The following VPS13D variants were observed in gnomAD, a reference collection of about 807,000 sequenced individuals.
VPS13D encodes intermembrane lipid transfer protein VPS13D.
A neutral mutation model predicts 461.9 loss-of-function variants in VPS13D; 187 were observed. That is an observed-to-expected ratio of 0.40 (90% confidence interval 0.36 to 0.46). The LOEUF (loss-of-function observed/expected upper bound fraction) is 0.46, where lower values mean the gene tolerates loss of function less well. VPS13D is among the 20% of genes least tolerant of loss of function. VPS13D has a pLI of 0.60. For synonymous variants in VPS13D, 1,951 were observed against 1,986.3 expected, an observed-to-expected ratio of 0.98 and a Z score of 0.47; for missense variants, 4,711 against 5,364.9, an observed-to-expected ratio of 0.88 and a Z score of 3.81.
At position 12,379,541 on chromosome 1, in the gene VPS13D, C is replaced by T. The variant is rs183447447; in HGVS notation, c.11135C>T (p.Thr3712Met). ...GACCGCAGGCGAAGCACAACTCAGA[C>T]GTGGAGTTTCCGAGAAGGAAAACTG... The part of the protein sequence containing the change: ...KPDRRRSTTQ[T>M]WSFREGKLTC... The change falls in exon 57 of 70, where the codon ACG becomes ATG. Residue 3712 changes from threonine (T) to methionine (M), a missense_variant. Physicochemically the swap from Thr to Met is moderately conservative, Grantham distance 81. Around this residue, in one of 3 missense-constraint regions of VPS13D, gnomAD observed 4,411 missense variants for 4,937.8 expected, o/e 0.89. Transcript: ENST00000620676. 7.4e-6 allele frequency: 12 copies of T among 1,613,490 alleles called. No homozygotes were observed. Among genetic ancestry groups the T allele is most frequent in the Admixed American group, 3.3e-5 (2 of 59,966 alleles).
At chr1:12,410,584 G>A (rs1414156342) in intron 63 of VPS13D, among the ~76,000 whole-genome samples, 3 of 152,108 alleles carry the variant, frequency 2.0e-5, no homozygotes, top group Non-Finnish European at 2.9e-5. Context: ...CTGGATGTTG[G>A]TATTTTTAGA....
intron 9 of VPS13D, 46 bp from the exon 10 acceptor site, chr1:12,257,889 T>C: frequency 1.2e-6 from 2 of 1,607,292 alleles, no homozygotes; most frequent in Non-Finnish European, 1.7e-6. Context: ...AGCCTTTTCG[T>C]TGCTTTTGTT....
chr1:12,419,377 G>A (rs991028913), intron 65 of VPS13D, among the ~76,000 whole-genome samples: 2 of 152,170 alleles, frequency 1.3e-5, no homozygotes, highest in Non-Finnish European at 2.9e-5. Flanking sequence ...GGCATAGATT[G>A]TGTATTAGTC....
At chr1:12,315,863 C>G (rs1470548905) in intron 30 of VPS13D, among the ~76,000 whole-genome samples, 1 of 152,006 alleles carries the variant, frequency 6.6e-6, no homozygotes, top group Non-Finnish European at 1.5e-5. Context: ...GTCGCCTAGG[C>G]TGGAGTGCAG....
rs192363806 is a variant in VPS13D, at chr1:12,362,330, A to T, written c.10142-390A>T. ...TAAAAGTGGCAGGTTCTCTAGAAGG[A>T]AATTTTGTGTCCCAGGTGTAAGCCA... On this transcript the variant is annotated intron_variant, in intron 50 of 69. Transcript: ENST00000620676. 1.8e-3 allele frequency among the ~76,000 whole-genome samples: 267 copies of T among 152,350 alleles called. 4 individuals carry two copies. Among genetic ancestry groups the T allele is most frequent in the African/African-American group, 5.7e-3 (238 of 41,580 alleles).
chr1:12,389,844 C>A (rs1363922688), intron 60 of VPS13D, among the ~76,000 whole-genome samples: 1 of 152,200 alleles, frequency 6.6e-6, no homozygotes, highest in Non-Finnish European at 1.5e-5. Context: ...TTTCCCATTG[C>A]CTTAATCACA....
At chr1:12,454,180 T>G (rs1441909956) in intron 65 of VPS13D, among the ~76,000 whole-genome samples, 1 of 152,104 alleles carries the variant, frequency 6.6e-6, no homozygotes, top group Non-Finnish European at 1.5e-5. Context: ...CAGAGGAGGC[T>G]CAGAGGTAGG....
At chr1:12,343,532 A>ATTATT (rs1379796162) in intron 42 of VPS13D, among the ~76,000 whole-genome samples, 35 of 150,706 alleles carry the variant, frequency 2.3e-4, no homozygotes, top group African/African-American at 3.2e-4. Context: ...GTTTCCTTTT[A>ATTATT]TTATTTTATT....
chr1:12,248,854 C>A (rs891566395), intron 5 of VPS13D, among the ~76,000 whole-genome samples: 2 of 151,756 alleles, frequency 1.3e-5, no homozygotes, highest in African/African-American at 2.4e-5. Context: ...TCTTTAATTG[C>A]TTTTTTTTAA....
At chr1:12,381,922 T>TTTTCTTTTCTTTTCTTTCTTTC (rs71570104) in intron 57 of VPS13D, among the ~76,000 whole-genome samples, 6 of 101,168 alleles carry the variant, frequency 5.9e-5, no homozygotes, top group Non-Finnish European at 1.2e-4. Context: ...CTTTCTTTTC[T>TTTTCTTTTCTTTTCTTTCTTTC]TTTCTTTCTT....
At chr1:12,416,984 C>G (rs1281606504) in intron 65 of VPS13D, among the ~76,000 whole-genome samples, 157 bp downstream of exon 65, 4 of 152,132 alleles carry the variant, frequency 2.6e-5, no homozygotes, top group Non-Finnish European at 4.4e-5. Context: ...CAGTCACCTG[C>G]CACCAGGTGC....
chr1:12,469,810 C>T (rs1645539827), intron 67 of VPS13D, among the ~76,000 whole-genome samples: 1 of 152,186 alleles, frequency 6.6e-6, no homozygotes, highest in South Asian at 2.1e-4. Context: ...CCTACCATCC[C>T]AATAAATTTT....
chr1:12,403,614 C>CT (rs202181652), intron 62 of VPS13D, among the ~76,000 whole-genome samples: 2,889 of 152,106 alleles, frequency 0.019, 109 homozygotes, highest in Admixed American at 0.099. Flanking sequence ...TGCTAGTCTT[C>CT]TTTTTTGATA....
intron 43 of VPS13D, among the ~76,000 whole-genome samples, chr1:12,345,956 A>G (rs960151594): frequency 6.6e-6 from 1 of 152,158 alleles, no homozygotes; most frequent in Non-Finnish European, 1.5e-5. Context: ...CTGATCACAC[A>G]TGCTCTCACA....
Position 12,276,279 on chromosome 1 carries a change from C to G in VPS13D, c.2691C>G (p.Cys897Trp), listed in dbSNP as rs1164601841. ...NEDKISALKN[C>W]FALLTTPEMK... ...ATAAAATATCTGCACTAAAGAATTG[C>G]TTTGCTCTCCTCACCACCCCAGAAA... The change falls in exon 19 of 70, where the codon TGC (cysteine) becomes TGG (tryptophan). Residue 897 changes from cysteine (C) to tryptophan (W), a missense_variant. Physicochemically the swap from Cys to Trp is radical, Grantham distance 215. Transcript: ENST00000620676. The surrounding 1 kb of genome is among the most constrained non-coding windows in gnomAD (Gnocchi z 4.5). 6.2e-7 allele frequency: 1 copy of G among 1,614,180 alleles called. No homozygotes were observed.
chr1:12,401,019 T>C (rs919626451), intron 61 of VPS13D, among the ~76,000 whole-genome samples: 2 of 148,636 alleles, frequency 1.3e-5, no homozygotes, highest in East Asian at 4.0e-4. Context: ...CCCTGAAATA[T>C]TGGGAAAGGG....
Position 12,398,332 on chromosome 1 carries a change from C to T in VPS13D, c.11635-1849C>T, listed in dbSNP as rs536828269. Among the ~76,000 whole-genome samples the T allele has an allele frequency of 5.5e-4, 83 of 151,654 alleles. 1 individual carries two copies. The Middle Eastern group carries it at 0.017, about 31-fold the overall frequency. On this transcript the variant is annotated intron_variant, in intron 60 of 69. Transcript: ENST00000620676. ...CCACCTCTTCCACTTACAAGCTGTG[C>T]GAATGAGGGCAAGTAGTTTAACTTT... is the stretch of plus-strand genomic sequence containing the variant.
At chr1:12,399,048 G>A (rs978669815) in intron 60 of VPS13D, among the ~76,000 whole-genome samples, 2 of 152,294 alleles carry the variant, frequency 1.3e-5, no homozygotes, top group East Asian at 1.9e-4. Flanking sequence ...AACCACCAGC[G>A]TTACAGGTAT....
intron 54 of VPS13D, among the ~76,000 whole-genome samples, chr1:12,370,468 A>G (rs1307524091): frequency 6.6e-6 from 1 of 152,176 alleles, no homozygotes. Context: ...TGTTCGGAAC[A>G]TTTTTGCATA....
Sources: allele counts gnomAD v4.1 joint callset (sites outside exome capture counted in the v4.1 genomes callset), GRCh38; gene constraint gnomAD v4.1.1; regional missense constraint gnomAD v4.1.1; non-coding constraint Gnocchi (gnomAD v3.1); transcripts MANE v1.5; gene names NCBI Gene and HGNC (gene_info 2026-07-23, HGNC 2026-07-21).